The following TNS1 variants were observed in gnomAD, a reference collection of about 807,000 sequenced individuals.
TNS1 encodes the protein tensin-1.
Under a neutral mutation model 168.6 loss-of-function variants are expected in TNS1, and 62 were observed. The ratio of observed to expected loss-of-function variants is 0.37; its 90% CI spans 0.30 to 0.45. The LOEUF (loss-of-function observed/expected upper bound fraction) is 0.45. Ranked by LOEUF, TNS1 falls within the 20% of genes least tolerant of loss-of-function variation. The pLI, the probability that TNS1 is intolerant of heterozygous loss-of-function variation, is 1.00. For synonymous variants in TNS1, 934 were observed against 933.2 expected, an observed-to-expected ratio of 1.00 and a Z score of -0.02; for missense variants, 2,240 against 2,339.4, an observed-to-expected ratio of 0.96 and a Z score of 0.88.
intron 1 of TNS1, among the ~76,000 whole-genome samples, chr2:218,020,943 C>A (rs926037639): frequency 1.4e-4 from 22 of 152,210 alleles, no homozygotes; most frequent in Non-Finnish European, 2.6e-4. Flanking sequence ...AGATAAGCAA[C>A]CATTTACGTC....
intron 19 of TNS1, among the ~76,000 whole-genome samples, chr2:217,838,194 G>C: frequency 6.6e-6 from 1 of 152,210 alleles, no homozygotes; most frequent in Non-Finnish European, 1.5e-5. Context: ...GCCTTTTCAA[G>C]GGGTGGCCAG....
chr2:217,906,738 T>C (rs1283244496), intron 5 of TNS1, among the ~76,000 whole-genome samples: 2 of 152,210 alleles, frequency 1.3e-5, no homozygotes, highest in Non-Finnish European at 2.9e-5. Context: ...GATTTCCTGC[T>C]GGCCATCGCC....
At chr2:217,981,016 T>C (rs1958035019) in intron 2 of TNS1, among the ~76,000 whole-genome samples, 1 of 152,202 alleles carries the variant, frequency 6.6e-6, no homozygotes, top group Non-Finnish European at 1.5e-5. Flanking sequence ...TCCTGGTTAT[T>C]TTCTGAAGTT....
intron 18 of TNS1, among the ~76,000 whole-genome samples, chr2:217,872,971 G>T (rs1205280487): frequency 1.3e-5 from 2 of 152,206 alleles, no homozygotes; most frequent in Non-Finnish European, 2.9e-5. Flanking sequence ...TTTACGTAAA[G>T]TGTCCAGAAT....
At chr2:217,865,316 C>T (rs1019356405) in intron 18 of TNS1, among the ~76,000 whole-genome samples, 3 of 152,190 alleles carry the variant, frequency 2.0e-5, no homozygotes, top group Non-Finnish European at 2.9e-5. Flanking sequence ...GCAGAGGCCA[C>T]CAAACCATGA....
chr2:218,013,513 T>G (rs1397616961), upstream of TNS1, among the ~76,000 whole-genome samples: 1 of 151,912 alleles, frequency 6.6e-6, no homozygotes, highest in Non-Finnish European at 1.5e-5. Context: ...CATGTGGAGG[T>G]CCAACAGTGG....
At position 217,884,285 on chromosome 2, in the gene TNS1, GGATGGATGGACA is replaced by G. The variant is rs1303787028; in HGVS notation, c.1246+738_1246+749del. 3.9e-5 allele frequency among the ~76,000 whole-genome samples: 6 copies of G among 152,018 alleles called. No individual in the cohort carries two copies. The East Asian group carries it at 1.2e-3, about 29-fold the overall frequency. ...TGGGTGCATAGATGGATGGGTGGGT[GGATGGATGGACA>G]GATGGATGGACAGACGGATGGATGA... On this transcript the variant is annotated intron_variant, in intron 16 of 32. Coordinates refer to ENST00000682258, the MANE Select transcript of TNS1 (RefSeq NM_001387777.1).
At chr2:217,822,576 C>T (rs1160577813) in intron 22 of TNS1, among the ~76,000 whole-genome samples, 8 of 152,314 alleles carry the variant, frequency 5.3e-5, no homozygotes, top group Middle Eastern at 3.4e-3. Flanking sequence ...CATTCCCAGG[C>T]GGAACTCAAC....
In TNS1 at chr2:217,800,791, C is replaced by CAAAAGTAGGAGTGAGACTA. The variant is rs1195508495; in HGVS notation, c.*3649_*3667dup. 2.9e-4 allele frequency: 44 copies of CAAAAGTAGGAGTGAGACTA among 152,038 alleles called. No homozygotes were observed. The highest frequency in any genetic ancestry group is 9.2e-4 in the African/African-American group (38 of 41,408). The allele number at this position is 152,038 out of a possible 1,614,324, so 9.4% of individuals were successfully genotyped here. ...AGATCCAGGAGGCAGGGGTGGTGGACAAAAGTAGGAGTGAGACTAAAAAGT... is the reference window on the plus strand; with the variant it reads ...AGATCCAGGAGGCAGGGGTGGTGGACAAAAGTAGGAGTGAGACTAAAAAGTAGGAGTGAGACTAAAAAGT... On this transcript the variant is annotated 3_prime_UTR_variant, in exon 33 of 33. Transcript: ENST00000682258.
At chr2:217,961,373 C>T (rs1009694586) in intron 3 of TNS1, among the ~76,000 whole-genome samples, 5 of 151,960 alleles carry the variant, frequency 3.3e-5, no homozygotes, top group Non-Finnish European at 7.4e-5. Context: ...GAGAGAGGAA[C>T]CACTTTGGTC....
chr2:217,809,581 G>A lies in TNS1; in HGVS notation c.5273+242C>T, dbSNP rs200800401. On this transcript the variant is annotated intron_variant, in intron 30 of 32. Transcript: ENST00000682258. Reference sequence around the variant, plus strand: ...GATGGATGGATGGATGGATGGATAGGTGCATGGATGGATGGATGGATGGAT... The same window carrying A: ...GATGGATGGATGGATGGATGGATAGATGCATGGATGGATGGATGGATGGAT... 0.02 allele frequency: 1,436 copies of A among 70,550 alleles called. 519 individuals are homozygous for A. The African/African-American group carries it at 0.28, about 14-fold the overall frequency. 4.4% of individuals were successfully genotyped at this position (70,550 alleles called of 1,614,324 possible).
chr2:217,842,070 G>T, intron 19 of TNS1: 1 of 702,948 alleles, frequency 1.4e-6, no homozygotes, highest in Non-Finnish European at 2.6e-6. Context: ...TCCTTCACAA[G>T]CTGCTCCATG....
chr2:217,804,298 T>A lies in TNS1; in HGVS notation c.*161A>T. The A allele has an allele frequency of 6.0e-4, 344 of 573,486 alleles. No homozygotes were observed. Among genetic ancestry groups the A allele is most frequent in the Non-Finnish European group, 9.6e-4 (315 of 328,698 alleles). The allele number at this position is 573,486 out of a possible 1,614,324, so 35.5% of individuals were successfully genotyped here. A position where few individuals can be genotyped will look rare whatever the true frequency, so the allele number is the denominator to read the frequency against. On this transcript the variant is annotated 3_prime_UTR_variant, in exon 33 of 33. Transcript: ENST00000682258. ...TCTCTCTCTCTCTCTCTTTTCCCCC[T>A]CCCCTCTGCAATTCACTTCCCTCTC...
intron 5 of TNS1, among the ~76,000 whole-genome samples, chr2:217,906,726 A>C (rs921823370): frequency 6.6e-6 from 1 of 152,140 alleles, no homozygotes; most frequent in Non-Finnish European, 1.5e-5. Flanking sequence ...CTCCAAGCCC[A>C]TGATTTCCTG....
chr2:218,027,595 C>T (rs984417434), intron 1 of TNS1, among the ~76,000 whole-genome samples: 4 of 152,050 alleles, frequency 2.6e-5, no homozygotes, highest in African/African-American at 4.8e-5. Context: ...AGGTGACAGC[C>T]CTCGGCACAT....
upstream of TNS1, among the ~76,000 whole-genome samples, chr2:218,010,698 G>C (rs1019359915): frequency 4.6e-5 from 7 of 152,022 alleles, no homozygotes; most frequent in Non-Finnish European, 1.0e-4. Context: ...CGGGGCGGCG[G>C]CGGCGGCAGC....
At chr2:217,820,659 C>T (rs1220824950) in intron 23 of TNS1, among the ~76,000 whole-genome samples, 2 of 152,100 alleles carry the variant, frequency 1.3e-5, no homozygotes, top group African/African-American at 4.8e-5. Context: ...GGGGCGACAC[C>T]TCCTAGGTCC....
chr2:217,836,614 C>A (rs562348330), intron 19 of TNS1, among the ~76,000 whole-genome samples: 1 of 152,196 alleles, frequency 6.6e-6, no homozygotes, highest in Non-Finnish European at 1.5e-5. Flanking sequence ...CAACATCAAG[C>A]CTGTGGGGAA....
rs1234409282 is a variant in TNS1, at chr2:217,821,990, G to A, written c.3374-52C>T. On this transcript the variant is annotated intron_variant, in intron 22 of 32. Transcript: ENST00000682258. Reference sequence around the variant, plus strand: ...CTGAGCACAGATGCACAGGGGTGCAGTGCAGGTCCCCCCCAACCTCCCCTG... The same window carrying A: ...CTGAGCACAGATGCACAGGGGTGCAATGCAGGTCCCCCCCAACCTCCCCTG... 6 of 1,507,086 alleles carry A rather than the reference G, an allele frequency of 4.0e-6. No individual in the cohort carries two copies. The East Asian group carries it at 1.5e-4, about 39-fold the overall frequency. The allele number at this position is 1,507,086 out of a possible 1,614,324, so 93.4% of individuals were successfully genotyped here.
Sources: gnomAD v4.1 joint callset for allele counts (sites outside exome capture counted in the v4.1 genomes callset) on GRCh38, gnomAD v4.1.1 for gene constraint, MANE v1.5 for transcripts, NCBI Gene and HGNC (gene_info 2026-07-23, HGNC 2026-07-21) for gene names.